The following SKI variants were observed in gnomAD, a reference collection of about 807,000 sequenced individuals.
SKI encodes SKI proto-oncogene.
Under a neutral mutation model 59.3 loss-of-function variants are expected in SKI, and 23 were observed. The observed-to-expected ratio is 0.39, with a 90% CI of 0.28 to 0.55. The LOEUF is 0.55. SKI is among the 20% of genes least tolerant of loss of function. SKI has a pLI of 0.67. For synonymous variants in SKI, 673 were observed against 488.6 expected, an observed-to-expected ratio of 1.38 and a Z score of -4.98; for missense variants, 1,017 against 1,038.9, an observed-to-expected ratio of 0.98 and a Z score of 0.29.
chr1:2,296,354 C>G (rs1447406603), intron 1 of SKI, among the ~76,000 whole-genome samples: 1 of 152,168 alleles, frequency 6.6e-6, no homozygotes, highest in Non-Finnish European at 1.5e-5. Context: ...TGAGATCGTG[C>G]CACTACACTC....
At chr1:2,277,817 C>T (rs1358664022) in intron 1 of SKI, among the ~76,000 whole-genome samples, 2 of 149,870 alleles carry the variant, frequency 1.3e-5, no homozygotes, top group Non-Finnish European at 3.0e-5. Context: ...TGCACTCACG[C>T]ACACACCTGC....
At chr1:2,255,195 C>T (rs913141147) in intron 1 of SKI, among the ~76,000 whole-genome samples, 1 of 152,206 alleles carries the variant, frequency 6.6e-6, no homozygotes, top group African/African-American at 2.4e-5. Flanking sequence ...GCTCCCCATT[C>T]TTGCTGCATA....
Position 2,306,841 on chromosome 1 carries a change from G to GGCTCCGCCCC in SKI, c.*77_*86dup. 1 of 1,034,350 alleles carries GGCTCCGCCCC rather than the reference G, an allele frequency of 9.7e-7. No homozygotes were observed. The allele number at this position is 1,034,350 out of a possible 1,614,324, so 64.1% of individuals were successfully genotyped here. The stretch of plus-strand genomic sequence containing the variant: ...GCGGCTGGGCGGTGCAGCTCCGCCC[G>GGCTCCGCCCC]GCTCCGCCCCTGCAGCCCACACAGC... On this transcript the variant is annotated 3_prime_UTR_variant, in exon 7 of 7. Coordinates refer to ENST00000378536, the MANE Select transcript of SKI (RefSeq NM_003036.4).
intron 1 of SKI, among the ~76,000 whole-genome samples, chr1:2,263,326 C>T (rs1639428119): frequency 1.3e-5 from 2 of 151,700 alleles, no homozygotes. Flanking sequence ...GAACCTCCGC[C>T]TCCTGGGTTC....
At chr1:2,264,411 G>C (rs1421450404) in intron 1 of SKI, among the ~76,000 whole-genome samples, 1 of 152,012 alleles carries the variant, frequency 6.6e-6, no homozygotes, top group Non-Finnish European at 1.5e-5. Flanking sequence ...TGGGATTACA[G>C]GCACCCGCCA....
At chr1:2,302,237 G>T (rs902529481) in intron 1 of SKI, among the ~76,000 whole-genome samples, 3 of 152,142 alleles carry the variant, frequency 2.0e-5, no homozygotes, top group Non-Finnish European at 4.4e-5. Context: ...ACCTGGTTCT[G>T]GGTGGGCTGG....
chr1:2,243,118 C>T (rs1638915914), intron 1 of SKI, among the ~76,000 whole-genome samples: 1 of 152,190 alleles, frequency 6.6e-6, no homozygotes, highest in South Asian at 2.1e-4. Context: ...GTGCCTGGTG[C>T]CTTTTTGGGC....
intron 1 of SKI, among the ~76,000 whole-genome samples, chr1:2,301,814 CAG>C (rs1417372733): frequency 1.3e-5 from 2 of 152,262 alleles, no homozygotes; most frequent in African/African-American, 4.8e-5. Flanking sequence ...TTGGCCTCGG[CAG>C]AGTGAGTGGG....
intron 1 of SKI, among the ~76,000 whole-genome samples, chr1:2,254,729 C>T (rs529793599): frequency 4.7e-4 from 72 of 151,780 alleles, no homozygotes; most frequent in African/African-American, 1.4e-3. Context: ...GTGGTCACTG[C>T]GTGCGTGTGT....
At chr1:2,241,970 T>TGC (rs1553191979) in intron 1 of SKI, among the ~76,000 whole-genome samples, 27 of 151,762 alleles carry the variant, frequency 1.8e-4, no homozygotes, top group Admixed American at 4.6e-4. Flanking sequence ...TGTGTGTGTG[T>TGC]GCCTGTGTGT....
rs1483492752 is a variant in SKI at position 2,307,823 on chromosome 1, C to G, written c.*1058C>G. On this transcript the variant is annotated 3_prime_UTR_variant, in exon 7 of 7. Transcript: ENST00000378536. Reference sequence around the variant, plus strand: ...TTATAGAGCAGTCAAATCCGAAGTGCTCGAGTGCTTAGAAACCCCCTCTGG... The same window carrying G: ...TTATAGAGCAGTCAAATCCGAAGTGGTCGAGTGCTTAGAAACCCCCTCTGG... 1.3e-5 allele frequency: 2 copies of G among 152,536 alleles called. No homozygotes were observed. Among genetic ancestry groups the G allele is most frequent in the Non-Finnish European group, 2.9e-5 (2 of 68,044 alleles). 9.4% of individuals were successfully genotyped at this position (152,536 alleles called of 1,614,324 possible).
At chr1:2,234,084 G>A (rs12402203) in intron 1 of SKI, among the ~76,000 whole-genome samples, 10,129 of 152,248 alleles carry the variant, frequency 0.067, 767 homozygotes, top group East Asian at 0.18. Context: ...CCTGGTCCCC[G>A]TGCAGAAGGC....
chr1:2,289,366 C>A (rs2100890948), intron 1 of SKI, among the ~76,000 whole-genome samples: 1 of 152,194 alleles, frequency 6.6e-6, no homozygotes, highest in South Asian at 2.1e-4. Flanking sequence ...ACCTCTCCTG[C>A]CAGCCAGTCT....
Position 2,270,367 on chromosome 1 carries a change from C to T in SKI, c.970-32611C>T, listed in dbSNP as rs1478582761. On this transcript the variant is annotated intron_variant, in intron 1 of 6. Transcript: ENST00000378536. The surrounding 1 kb of genome is among the most constrained non-coding windows in gnomAD (Gnocchi z 4.1). ...GCCTGAGGCAGCCGTTGGACAGTGC[C>T]CATCTTGAATGCAGCCCTGGTGACC... 6.6e-6 allele frequency among the ~76,000 whole-genome samples: 1 copy of T among 152,212 alleles called. No individual in the cohort carries two copies. Among genetic ancestry groups the T allele is most frequent in the Non-Finnish European group, 1.5e-5 (1 of 68,020 alleles).
At chr1:2,293,814 C>T (rs903895410) in intron 1 of SKI, among the ~76,000 whole-genome samples, 3 of 152,208 alleles carry the variant, frequency 2.0e-5, no homozygotes, top group African/African-American at 7.2e-5. Flanking sequence ...TCAGCTGGCA[C>T]CTTGAAACTC....
chr1:2,306,525 G>T (rs1640586564), intron 6 of SKI, 52 bp from the exon 7 acceptor site: 1 of 1,515,802 alleles, frequency 6.6e-7, no homozygotes, highest in East Asian at 2.5e-5. Flanking sequence ...AGCAGCGTCG[G>T]GCCGGGGCAG....
Position 2,303,928 on chromosome 1 carries a change from C to G in SKI, c.1300C>G (p.Pro434Ala). ...CCAGCAGAAGGTTGTGAGCAGCCCT[C>G]CGTGTGCCGCCGCCGTCTCCCGGGC... is the stretch of plus-strand genomic sequence containing the variant. ...PAQQKVVSSP[P>A]CAAAVSRAPE... is the part of the protein sequence containing the mutation. Residue 434 changes from proline (P) to alanine (A), a missense_variant, in exon 4 of 7, where the codon CCG (proline) becomes GCG (alanine). Transcript: ENST00000378536. The surrounding 1 kb of genome is among the most constrained non-coding windows in gnomAD (Gnocchi z 5.6). 1.9e-6 allele frequency: 3 copies of G among 1,611,840 alleles called. No individual in the cohort carries two copies. The highest frequency in any genetic ancestry group is 2.5e-6 in the Non-Finnish European group (3 of 1,179,596).
At position 2,267,468 on chromosome 1, in the gene SKI, A is replaced by T. The variant is rs1639524261; in HGVS notation, c.970-35510A>T. Among the ~76,000 whole-genome samples the T allele has an allele frequency of 6.6e-6, 1 of 151,956 alleles. No homozygotes were observed. Among genetic ancestry groups the T allele is most frequent in the Non-Finnish European group, 1.5e-5 (1 of 67,982 alleles). ...CCTCTCGTGTGCTGTCGGGAGACAA[A>T]CCTCTTCCTGCTTCAATATCCCATT... is the stretch of plus-strand genomic sequence containing the variant. On this transcript the variant is annotated intron_variant, in intron 1 of 6. Transcript: ENST00000378536. The surrounding 1 kb of genome is among the most constrained non-coding windows in gnomAD (Gnocchi z 4.1).
intron 1 of SKI, among the ~76,000 whole-genome samples, chr1:2,289,243 G>A (rs1569827409): frequency 6.6e-6 from 1 of 152,160 alleles, no homozygotes; most frequent in African/African-American, 2.4e-5. Context: ...ACCCGGAGGT[G>A]GCCCTCCTGC....
Sources: gnomAD v4.1 joint callset for allele counts (sites outside exome capture counted in the v4.1 genomes callset) on GRCh38, gnomAD v4.1.1 for gene constraint, Gnocchi (gnomAD v3.1) non-coding constraint, MANE v1.5 for transcripts, NCBI Gene and HGNC (gene_info 2026-07-23, HGNC 2026-07-21) for gene names.